CNTNAP2: variants seen among roughly 807,000 people sequenced by gnomAD.
CNTNAP2 encodes the protein contactin-associated protein-like 2.
CNTNAP2 carries 98 observed loss-of-function variants against 155.2 expected under a neutral mutation model. That is an observed-to-expected ratio of 0.63 (90% CI 0.54 to 0.75). The LOEUF is 0.75. Among genes scored for constraint, CNTNAP2 ranks in the 30% least tolerant of loss-of-function variants. The pLI, the probability that CNTNAP2 is intolerant of heterozygous loss-of-function variation, is 0.00. For missense variants in CNTNAP2, 1,727 were observed against 1,688.1 expected, an observed-to-expected ratio of 1.02 and a Z score of -0.40; for synonymous variants, 651 against 631.2, an observed-to-expected ratio of 1.03 and a Z score of -0.47.
intron 1 of CNTNAP2, among the ~76,000 whole-genome samples, chr7:146,701,926 G>A (rs1358799270): frequency 2.0e-5 from 3 of 152,158 alleles, no homozygotes; most frequent in Non-Finnish European, 4.4e-5. Flanking sequence ...TAATATTTCT[G>A]TTGAATTTTG....
chr7:147,278,297 C>A lies in CNTNAP2; in HGVS notation c.1349-21844C>A, dbSNP rs991964302. 1.8e-4 allele frequency among the ~76,000 whole-genome samples: 28 copies of A among 151,846 alleles called. No individual in the cohort carries two copies. The South Asian group carries it at 2.3e-3, about 12-fold the overall frequency. ...TCCATTCCATAGTTCATAGTGATTT[C>A]TTTTAATATTAAGCAATGTTCACTG... is the stretch of plus-strand genomic sequence containing the variant. On this transcript the variant is annotated intron_variant, in intron 8 of 23. Transcript: ENST00000361727.
chr7:147,263,746 T>C (rs890663742), intron 8 of CNTNAP2, among the ~76,000 whole-genome samples: 2 of 152,164 alleles, frequency 1.3e-5, no homozygotes, highest in African/African-American at 4.8e-5. Context: ...TATGTAGAAA[T>C]TGATTCAGCT....
chr7:147,951,440 A>G (rs1800928596), intron 14 of CNTNAP2, among the ~76,000 whole-genome samples: 1 of 152,238 alleles, frequency 6.6e-6, no homozygotes, highest in Non-Finnish European at 1.5e-5. Context: ...ATAATCAAGC[A>G]CATATCCTGA....
chr7:146,759,681 CAAAAAAAAAAAAAA>C (rs376817827), intron 1 of CNTNAP2, among the ~76,000 whole-genome samples: 1 of 54,600 alleles, frequency 1.8e-5, no homozygotes, highest in Admixed American at 3.2e-4. Flanking sequence ...GTGAGACTGT[CAAAAAAAAAAAAAA>C]AAAAAAAAAA....
chr7:147,383,389 TATC>T (rs1453011748), intron 9 of CNTNAP2, among the ~76,000 whole-genome samples: 4 of 152,248 alleles, frequency 2.6e-5, no homozygotes, highest in African/African-American at 7.2e-5. Context: ...TTCTCTCTGA[TATC>T]ATATGGATTG....
intron 1 of CNTNAP2, among the ~76,000 whole-genome samples, chr7:146,618,807 C>T (rs938761184): frequency 1.1e-4 from 17 of 152,148 alleles, no homozygotes; most frequent in East Asian, 3.9e-4. Flanking sequence ...TGGTGGCTCA[C>T]GCCTGTAATC....
chr7:146,706,644 T>C (rs1022219866), intron 1 of CNTNAP2, among the ~76,000 whole-genome samples: 1 of 152,112 alleles, frequency 6.6e-6, no homozygotes, highest in African/African-American at 2.4e-5. Context: ...GAGGCCATTA[T>C]CCTTAGCAAA....
intron 12 of CNTNAP2, among the ~76,000 whole-genome samples, chr7:147,578,166 A>AT (rs746504737): frequency 6.6e-6 from 1 of 152,252 alleles, no homozygotes; most frequent in South Asian, 2.1e-4. Flanking sequence ...TTAATCAGTT[A>AT]TTATAAGCAT....
At chr7:147,726,057 T>C (rs1355161173) in intron 13 of CNTNAP2, among the ~76,000 whole-genome samples, 1 of 151,914 alleles carries the variant, frequency 6.6e-6, no homozygotes, top group African/African-American at 2.4e-5. Flanking sequence ...GCATCTAAAA[T>C]AATCAACAGT....
intron 13 of CNTNAP2, among the ~76,000 whole-genome samples, chr7:147,842,370 AATCACAGTGT>A (rs1207319913): frequency 9.2e-5 from 14 of 152,222 alleles, no homozygotes; most frequent in Admixed American, 5.2e-4. Context: ...CAGTTCTGTG[AATCACAGTGT>A]TATATTTATT....
intron 1 of CNTNAP2, among the ~76,000 whole-genome samples, chr7:146,324,263 A>G (rs1801058077): frequency 1.3e-5 from 2 of 152,174 alleles, no homozygotes; most frequent in South Asian, 4.1e-4. Flanking sequence ...CTGTCTCAAA[A>G]GCAAAGCAAA....
chr7:147,931,809 C>T (rs1296202061), intron 14 of CNTNAP2, among the ~76,000 whole-genome samples: 3 of 152,100 alleles, frequency 2.0e-5, no homozygotes, highest in Non-Finnish European at 4.4e-5. Flanking sequence ...GTCCATACTA[C>T]CCAAAGGAAT....
rs143097693 is a variant in CNTNAP2, at chr7:147,242,239, T to A, written c.1349-57902T>A. Among the ~76,000 whole-genome samples the A allele has an allele frequency of 1.2e-3, 187 of 152,346 alleles. 2 individuals are homozygous for A. The highest frequency in any genetic ancestry group is 4.3e-3 in the African/African-American group (178 of 41,578). On this transcript the variant is annotated intron_variant, in intron 8 of 23. Coordinates refer to ENST00000361727, the MANE Select transcript of CNTNAP2 (RefSeq NM_014141.6). ...AAAGAATTCCAAAATGCTTATTACC[T>A]CAGTATTTTCTCTGACACAAGTTTG...
chr7:148,277,276 A>G (rs1796886087), intron 21 of CNTNAP2, among the ~76,000 whole-genome samples: 1 of 152,012 alleles, frequency 6.6e-6, no homozygotes, highest in Admixed American at 6.6e-5. Flanking sequence ...TGGAGCTTAA[A>G]TCTGTGGTTG....
intron 8 of CNTNAP2, among the ~76,000 whole-genome samples, chr7:147,224,471 G>A (rs1272823585): frequency 3.3e-5 from 5 of 152,144 alleles, no homozygotes; most frequent in African/African-American, 1.2e-4. Flanking sequence ...AGAGAAAAAT[G>A]TAGCTGACCT....
At chr7:146,933,452 G>T (rs1472284710) in intron 3 of CNTNAP2, among the ~76,000 whole-genome samples, 3 of 151,416 alleles carry the variant, frequency 2.0e-5, no homozygotes, top group East Asian at 3.9e-4. Flanking sequence ...ATGGATTAAA[G>T]ACTTAAATGT....
chr7:148,134,995 A>G (rs942716511), intron 16 of CNTNAP2, among the ~76,000 whole-genome samples: 2 of 152,158 alleles, frequency 1.3e-5, no homozygotes, highest in African/African-American at 4.8e-5. Flanking sequence ...TTATGTAATA[A>G]TATTTTAAGA....
intron 9 of CNTNAP2, among the ~76,000 whole-genome samples, chr7:147,382,691 C>A (rs1042039933): frequency 6.6e-6 from 1 of 152,010 alleles, no homozygotes; most frequent in Non-Finnish European, 1.5e-5. Context: ...TGGATAAGGT[C>A]TTTATTAAGG....
intron 1 of CNTNAP2, among the ~76,000 whole-genome samples, chr7:146,412,722 A>G (rs1795884189): frequency 6.6e-6 from 1 of 152,198 alleles, no homozygotes. Flanking sequence ...CTTGCTTCGA[A>G]TTAATTCACT....
Sources: gnomAD v4.1 joint callset for allele counts (sites outside exome capture counted in the v4.1 genomes callset) on GRCh38, gnomAD v4.1.1 for gene constraint, MANE v1.5 for transcripts, NCBI Gene and HGNC (gene_info 2026-07-23, HGNC 2026-07-21) for gene names.